The following MBD5 variants were observed in gnomAD, a reference collection of about 807,000 sequenced individuals.
MBD5 encodes the protein methyl-CpG-binding domain protein 5.
In MBD5, 13 loss-of-function variants were observed where a neutral mutation model predicts 117.3. The ratio of observed to expected loss-of-function variants is 0.11; its 90% confidence interval spans 0.07 to 0.18. MBD5 has a LOEUF of 0.18. Among genes scored for constraint, MBD5 ranks in the 10% least tolerant of loss-of-function variants. MBD5 has a pLI of 1.00. For synonymous variants in MBD5, 727 were observed against 766.4 expected (o/e 0.95, Z 0.85); for missense variants, 1,879 against 2,093.8 (o/e 0.90, Z 2.00).
intron 3 of MBD5, among the ~76,000 whole-genome samples, chr2:148,241,279 T>C (rs1275694389): frequency 6.6e-6 from 1 of 152,160 alleles, no homozygotes; most frequent in Non-Finnish European, 1.5e-5. Context: ...AGAGTGGATC[T>C]ATTTTGGTTT....
At chr2:148,303,991 T>G (rs1412921195) in intron 3 of MBD5, among the ~76,000 whole-genome samples, 1 of 152,168 alleles carries the variant, frequency 6.6e-6, no homozygotes, top group Non-Finnish European at 1.5e-5. Flanking sequence ...CTAACGCTGA[T>G]GAACTGAGCC....
At chr2:148,189,227 G>C (rs865780285) in intron 2 of MBD5, among the ~76,000 whole-genome samples, 46 of 147,584 alleles carry the variant, frequency 3.1e-4, no homozygotes, top group African/African-American at 2.8e-4. Flanking sequence ...CAAAGCAGCC[G>C]GGAAGCTCGA....
intron 1 of MBD5, among the ~76,000 whole-genome samples, chr2:148,045,689 T>C (rs903710884): frequency 6.6e-6 from 1 of 152,192 alleles, no homozygotes; most frequent in African/African-American, 2.4e-5. Context: ...ATTAGGTCAC[T>C]TTCTCAAGTG....
chr2:148,292,057 A>C (rs1701512641), intron 3 of MBD5, among the ~76,000 whole-genome samples: 2 of 152,232 alleles, frequency 1.3e-5, no homozygotes, highest in South Asian at 4.1e-4. Flanking sequence ...CATAAACAAA[A>C]ACCAAATCAA....
At chr2:148,374,174 G>A (rs1282550995) in intron 4 of MBD5, among the ~76,000 whole-genome samples, 1 of 151,394 alleles carries the variant, frequency 6.6e-6, no homozygotes, top group Non-Finnish European at 1.5e-5. Context: ...AACCCAGAAT[G>A]TTGCTTAGCT....
At chr2:148,126,381 G>A (rs1400458281) in intron 1 of MBD5, among the ~76,000 whole-genome samples, 2 of 135,616 alleles carry the variant, frequency 1.5e-5, no homozygotes, top group African/African-American at 5.6e-5. Context: ...ACTCCATCAT[G>A]GGTGACAGAG....
In MBD5 at chr2:148,021,609, A is replaced by C. The variant is rs1457884786; in HGVS notation, c.-1000A>C. 38 of 425,486 alleles carry C rather than the reference A, an allele frequency of 8.9e-5. No individual in the cohort carries two copies. The highest frequency in any genetic ancestry group is 1.2e-4 in the Non-Finnish European group (26 of 214,946). The allele number at this position is 425,486 out of a possible 1,614,324, so 26.4% of individuals were successfully genotyped here. A position where few individuals can be genotyped will look rare whatever the true frequency, so the allele number is the denominator to read the frequency against. ...CTCCTCCTTCGCCTCCTCCTCCTCC[A>C]CTCCCCCCCTTTATTACCCTTTGTG... On this transcript the variant is annotated 5_prime_UTR_variant, in exon 1 of 14. Coordinates refer to ENST00000642680, the MANE Select transcript of MBD5 (RefSeq NM_001378120.1).
chr2:148,358,697 G>A (rs991791593), intron 4 of MBD5, among the ~76,000 whole-genome samples: 5 of 151,678 alleles, frequency 3.3e-5, no homozygotes, highest in African/African-American at 4.8e-5. Flanking sequence ...GGAGCGGATC[G>A]CTTGAGGTGG....
intron 2 of MBD5, among the ~76,000 whole-genome samples, chr2:148,210,835 A>G (rs909110986): frequency 6.6e-6 from 1 of 152,068 alleles, no homozygotes; most frequent in African/African-American, 2.4e-5. Context: ...TTTCACTTCT[A>G]CTAAACTTTC....
At chr2:148,258,019 C>A (rs1700631187) in intron 3 of MBD5, among the ~76,000 whole-genome samples, 2 of 152,164 alleles carry the variant, frequency 1.3e-5, no homozygotes, top group South Asian at 4.2e-4. Context: ...ACTGTAGGGG[C>A]TATGGGTGCC....
chr2:148,280,131 C>CAAAAAAAAAAAAAAAAAAA (rs3076398), intron 3 of MBD5, among the ~76,000 whole-genome samples: 12 of 91,882 alleles, frequency 1.3e-4, no homozygotes, highest in East Asian at 6.8e-4. Context: ...AAACTAACTG[C>CAAAAAAAAAAAAAAAAAAA]AAAAAAAAAA....
rs57647362 is a variant in MBD5, at chr2:148,043,487, A to ATAAATAAAT, written c.-925+21803_-925+21804insTAAATAAAT. Among the ~76,000 whole-genome samples the ATAAATAAAT allele has an allele frequency of 5.3e-5, 8 of 151,536 alleles. No homozygotes were observed. In the East Asian group the frequency reaches 1.4e-3, roughly 26 times the overall value. ...AATAAATAAATAAATAAATAAATAA[A>ATAAATAAAT]AGAATAGACTTTCTAGTTACTTGGG... is the stretch of plus-strand genomic sequence containing the variant. On this transcript the variant is annotated intron_variant, in intron 1 of 13. Transcript: ENST00000642680.
intron 4 of MBD5, among the ~76,000 whole-genome samples, chr2:148,419,561 C>A (rs1424286484): frequency 4.6e-5 from 7 of 152,024 alleles, no homozygotes; most frequent in Admixed American, 4.6e-4. Context: ...GTTTAAAATG[C>A]CACCAGTGTC....
At chr2:148,038,624 C>A (rs1694265680) in intron 1 of MBD5, among the ~76,000 whole-genome samples, 1 of 150,828 alleles carries the variant, frequency 6.6e-6, no homozygotes, top group Non-Finnish European at 1.5e-5. Flanking sequence ...AGTTTGTAAT[C>A]TTCTTACTGT....
intron 3 of MBD5, among the ~76,000 whole-genome samples, chr2:148,287,408 G>C (rs1298583833): frequency 6.6e-6 from 1 of 152,166 alleles, no homozygotes; most frequent in Non-Finnish European, 1.5e-5. Context: ...GTGTTGAGTA[G>C]GGAAGGATAT....
intron 4 of MBD5, among the ~76,000 whole-genome samples, chr2:148,413,956 T>C (rs1220166594): frequency 1.3e-5 from 2 of 151,508 alleles, no homozygotes; most frequent in South Asian, 2.1e-4. Flanking sequence ...TTTGGTATGG[T>C]TTTTTGCCTC....
chr2:148,148,340 G>A (rs1429758083), intron 1 of MBD5, among the ~76,000 whole-genome samples: 6 of 152,208 alleles, frequency 3.9e-5, no homozygotes, highest in Non-Finnish European at 7.3e-5. Flanking sequence ...TACCATAATA[G>A]TGAAGCTTTT....
intron 2 of MBD5, among the ~76,000 whole-genome samples, chr2:148,203,481 A>G (rs1002002820): frequency 1.9e-4 from 29 of 152,150 alleles, no homozygotes; most frequent in African/African-American, 6.5e-4. Flanking sequence ...CTTTTCCTGA[A>G]TTATCTTTGT....
intron 2 of MBD5, among the ~76,000 whole-genome samples, chr2:148,231,358 C>A (rs1183641160): frequency 6.6e-6 from 1 of 152,128 alleles, no homozygotes; most frequent in Non-Finnish European, 1.5e-5. Context: ...CTCAGTGCCT[C>A]ATAAATGCTA....
Sources: allele counts gnomAD v4.1 joint callset (sites outside exome capture counted in the v4.1 genomes callset), GRCh38; gene constraint gnomAD v4.1.1; transcripts MANE v1.5; gene names NCBI Gene and HGNC (gene_info 2026-07-23, HGNC 2026-07-21).